PDIA3: variants seen among roughly 807,000 people sequenced by gnomAD.
PDIA3 encodes the protein protein disulfide isomerase family A member 3, also known as protein disulfide-isomerase A3.
A neutral mutation model predicts 56.9 loss-of-function variants in PDIA3; 16 were observed. The observed-to-expected ratio is 0.28, with a 90% CI of 0.19 to 0.43. The LOEUF is 0.43. PDIA3 is among the 20% of genes least tolerant of loss of function. PDIA3 has a pLI of 1.00. For missense variants in PDIA3, 485 were observed against 621.3 expected (o/e 0.78, Z 2.33); for synonymous variants, 192 against 216.5 (o/e 0.89, Z 0.99).
rs996821784 is a variant in PDIA3, at chr15:43,772,518, C to T, written c.*1300C>T. On this transcript the variant is annotated 3_prime_UTR_variant, in exon 13 of 13. Coordinates refer to ENST00000300289, the MANE Select transcript of PDIA3 (RefSeq NM_005313.5). ...CCCGGGGATCTAATTGTTTAGAGAG[C>T]CCCAAAAGTGGCTCAGATGTAAAGC... 6.6e-6 allele frequency: 1 copy of T among 152,182 alleles called. No individual in the cohort carries two copies. Among genetic ancestry groups the T allele is most frequent in the African/African-American group, 2.4e-5 (1 of 41,436 alleles). 9.4% of individuals were successfully genotyped at this position (152,182 alleles called of 1,614,324 possible).
At chr15:43,752,842 C>T in intron 1 of PDIA3, 1 of 471,084 alleles carries the variant, frequency 2.1e-6, no homozygotes, top group Non-Finnish European at 4.4e-6. Context: ...CTCTGCAACC[C>T]TTTGGCTTTT....
intron 1 of PDIA3, among the ~76,000 whole-genome samples, chr15:43,748,439 T>C (rs1229352514): frequency 2.0e-5 from 3 of 152,022 alleles, no homozygotes; most frequent in South Asian, 2.1e-4. Context: ...GATCCTGCCA[T>C]TGCACTCCAG....
rs1332380650 is a variant in PDIA3, at chr15:43,766,992, C to A, written c.1028+82C>A. ...ACAAAGGATTTCTAAAGAACAATAA[C>A]CCTGGAATGTGAAGATAGGTCTTTT... On this transcript the variant is annotated intron_variant, in intron 8 of 12. Transcript: ENST00000300289. 14 of 1,232,642 alleles carry A rather than the reference C, an allele frequency of 1.1e-5. No homozygotes were observed. The Admixed American group carries it at 1.3e-4, about 11-fold the overall frequency. 76.4% of individuals were successfully genotyped at this position (1,232,642 alleles called of 1,614,324 possible).
intron 1 of PDIA3, chr15:43,752,812 T>C (rs1236789959): frequency 2.3e-5 from 11 of 471,028 alleles, no homozygotes; most frequent in Non-Finnish European, 4.8e-5. Context: ...GTTACAGAAC[T>C]CACCTTCTCA....
chr15:43,750,523 C>T (rs1264345553), intron 1 of PDIA3, among the ~76,000 whole-genome samples: 1 of 151,878 alleles, frequency 6.6e-6, no homozygotes, highest in East Asian at 2.0e-4. Context: ...CGCCTGTAAT[C>T]CCAGCACTTT....
intron 1 of PDIA3, among the ~76,000 whole-genome samples, chr15:43,749,824 C>T (rs2086732029): frequency 6.6e-6 from 1 of 152,054 alleles, no homozygotes; most frequent in South Asian, 2.1e-4. Context: ...CGCCTGTAGT[C>T]CTAGCTACTC....
At chr15:43,757,600 C>T (rs1022143842) in intron 3 of PDIA3, among the ~76,000 whole-genome samples, 84 of 150,196 alleles carry the variant, frequency 5.6e-4, no homozygotes, top group African/African-American at 1.9e-3. Flanking sequence ...GTGGCTCACA[C>T]CTATAATCCC....
chr15:43,757,957 G>A (rs1022103570), intron 3 of PDIA3, among the ~76,000 whole-genome samples: 4 of 149,946 alleles, frequency 2.7e-5, no homozygotes, highest in South Asian at 2.1e-4. Flanking sequence ...AAAAAACAAC[G>A]AAATAGGCCG....
At chr15:43,756,519 T>A in intron 2 of PDIA3, 130 bp from the exon 3 acceptor site, 1 of 665,100 alleles carries the variant, frequency 1.5e-6, no homozygotes. Context: ...AAATCTAATG[T>A]TCTGTGGCAT....
chr15:43,772,919 A>G lies in PDIA3; in HGVS notation c.*1701A>G. 2.1e-6 allele frequency: 1 copy of G among 476,504 alleles called. No individual in the cohort carries two copies. Among genetic ancestry groups the G allele is most frequent in the Non-Finnish European group, 3.6e-6 (1 of 274,046 alleles). The allele number at this position is 476,504 out of a possible 1,614,324, so 29.5% of individuals were successfully genotyped here. A position where few individuals can be genotyped will look rare whatever the true frequency, so the allele number is the denominator to read the frequency against. The stretch of plus-strand genomic sequence containing the variant: ...CCTAGACTCCTAGGCACAGCTATGG[A>G]GTCTTTGCACAGTGCCCATACCCTA... On this transcript the variant is annotated 3_prime_UTR_variant, in exon 13 of 13. Transcript: ENST00000300289.
intron 8 of PDIA3, among the ~76,000 whole-genome samples, 160 bp from the exon 9 acceptor site, chr15:43,768,328 GT>G (rs1359698496): frequency 1.3e-5 from 2 of 152,306 alleles, no homozygotes; most frequent in African/African-American, 4.8e-5. Flanking sequence ...AAAAGGAACG[GT>G]TTGTTTCTTC....
rs763127707 is a variant in PDIA3, at chr15:43,753,820, A to G, written c.168-4A>G. On this transcript the variant is annotated splice_region_variant and splice_polypyrimidine_tract_variant and intron_variant, in intron 1 of 12. Coordinates refer to ENST00000300289, the MANE Select transcript of PDIA3 (RefSeq NM_005313.5). The stretch of plus-strand genomic sequence containing the variant: ...AGAATTTGGCTTTTTTAATACGTAT[A>G]TAGGTGTGGACACTGCAAGAGACTT... 7.5e-6 allele frequency: 12 copies of G among 1,606,912 alleles called. No individual in the cohort carries two copies. Among genetic ancestry groups the G allele is most frequent in the African/African-American group, 2.7e-5 (2 of 74,768 alleles).
At chr15:43,748,830 A>C (rs1235093226) in intron 1 of PDIA3, among the ~76,000 whole-genome samples, 1 of 149,626 alleles carries the variant, frequency 6.7e-6, no homozygotes, top group African/African-American at 2.5e-5. Context: ...GTGCCATGGC[A>C]CTATCTTGAC....
intron 1 of PDIA3, chr15:43,746,985 A>G (rs1293460881): frequency 7.9e-6 from 4 of 509,066 alleles, no homozygotes; most frequent in South Asian, 4.9e-5. Flanking sequence ...GGGTTTTGCC[A>G]CCCCTTCCCC....
chr15:43,756,561 T>A, intron 2 of PDIA3, 88 bp from the exon 3 acceptor site: 2 of 794,236 alleles, frequency 2.5e-6, no homozygotes, highest in Non-Finnish European at 4.4e-6. Flanking sequence ...CCCCTTAGGA[T>A]TTGACCAATC....
chr15:43,769,340 G>A (rs1478365420), intron 9 of PDIA3, among the ~76,000 whole-genome samples, 178 bp from the exon 10 acceptor site: 2 of 152,190 alleles, frequency 1.3e-5, no homozygotes, highest in South Asian at 2.1e-4. Flanking sequence ...ACATAGGAAC[G>A]AGTTGGTATC....
At position 43,773,266 on chromosome 15, in the gene PDIA3, TCA is replaced by T. The variant is rs1454260509; in HGVS notation, c.*2049_*2050del. 1 of 1,613,800 alleles carries T rather than the reference TCA, an allele frequency of 6.2e-7. No individual in the cohort carries two copies. Among genetic ancestry groups the T allele is most frequent in the South Asian group, 1.1e-5 (1 of 91,052 alleles). ...CATCCATGTCAAAAAGTAAAAATTCTCATTCTACCTTGCTTCCGTTCCCAGAC... is the reference window on the plus strand; with the variant it reads ...CATCCATGTCAAAAAGTAAAAATTCTTTCTACCTTGCTTCCGTTCCCAGAC... On this transcript the variant is annotated 3_prime_UTR_variant, in exon 13 of 13. Coordinates refer to ENST00000300289, the MANE Select transcript of PDIA3 (RefSeq NM_005313.5).
chr15:43,762,030 GCATT>G (rs781469294), intron 4 of PDIA3, among the ~76,000 whole-genome samples: 2 of 152,104 alleles, frequency 1.3e-5, no homozygotes, highest in Non-Finnish European at 2.9e-5. Context: ...TGTTTTTGCA[GCATT>G]CATTGCTTTC....
chr15:43,750,267 TG>T lies in PDIA3; in HGVS notation c.168-3555del, dbSNP rs2086735363. Among the ~76,000 whole-genome samples the T allele has an allele frequency of 4.0e-5, 6 of 149,968 alleles. No individual in the cohort carries two copies. In the South Asian group the frequency reaches 1.3e-3, roughly 32 times the overall value. ...CTGACTTCACCTGAATCACCTGCGT[TG>T]GACTCCCAAAGTGCTGGGATTTCAG... On this transcript the variant is annotated intron_variant, in intron 1 of 12. Transcript: ENST00000300289.
Sources: gnomAD v4.1 joint callset for allele counts (sites outside exome capture counted in the v4.1 genomes callset) on GRCh38, gnomAD v4.1.1 for gene constraint, MANE v1.5 for transcripts, NCBI Gene and HGNC (gene_info 2026-07-23, HGNC 2026-07-21) for gene names.